KCNN1: variants seen among roughly 807,000 people sequenced by gnomAD.
KCNN1 encodes the protein small conductance calcium-activated potassium channel protein 1.
A neutral mutation model predicts 44.7 loss-of-function variants in KCNN1; 20 were observed. That is an observed-to-expected ratio of 0.45 (90% confidence interval 0.32 to 0.65). The LOEUF (loss-of-function observed/expected upper bound fraction) is 0.65, where lower values mean the gene tolerates loss of function less well. KCNN1 is among the 30% of genes least tolerant of loss of function. The pLI is 0.05. For missense variants in KCNN1, 632 were observed against 785.3 expected, an observed-to-expected ratio of 0.80 and a Z score of 2.33; for synonymous variants, 324 against 341.7, an observed-to-expected ratio of 0.95 and a Z score of 0.57.
intron 4 of KCNN1, among the ~76,000 whole-genome samples, chr19:17,984,287 T>C (rs932047107): frequency 2.6e-5 from 4 of 152,002 alleles, no homozygotes; most frequent in African/African-American, 9.7e-5. Flanking sequence ...AATGCCAATA[T>C]TTGGGGAGCC....
At position 17,985,550 on chromosome 19, in the gene KCNN1, C is replaced by G. The variant is rs1477770125; in HGVS notation, c.1059+97C>G. 3.4e-6 allele frequency: 4 copies of G among 1,163,602 alleles called. No homozygotes were observed. In the East Asian group the frequency reaches 1.1e-4, roughly 31 times the overall value. The allele number at this position is 1,163,602 out of a possible 1,614,324, so 72.1% of individuals were successfully genotyped here. On this transcript the variant is annotated intron_variant, in intron 5 of 9. Transcript: ENST00000684775. ...CCCCTTGCTGACAGGGTGCTCATCCCATCACGAGCTGTGCCTGATCAGCGT... is the reference window on the plus strand; with the variant it reads ...CCCCTTGCTGACAGGGTGCTCATCCGATCACGAGCTGTGCCTGATCAGCGT...
chr19:17,996,413 C>T (rs1368223106), intron 9 of KCNN1, among the ~76,000 whole-genome samples: 1 of 152,066 alleles, frequency 6.6e-6, no homozygotes, highest in African/African-American at 2.4e-5. Flanking sequence ...CAAGACCAGC[C>T]TGGCCAACAT....
At chr19:17,954,975 T>A (rs931406293) in intron 2 of KCNN1, among the ~76,000 whole-genome samples, 11 of 150,578 alleles carry the variant, frequency 7.3e-5, no homozygotes, top group Middle Eastern at 3.4e-3. Context: ...GAGGCAGAGG[T>A]TGCAGTGAGC....
At chr19:17,957,177 A>G (rs1223046699) in intron 2 of KCNN1, among the ~76,000 whole-genome samples, 6 of 105,880 alleles carry the variant, frequency 5.7e-5, no homozygotes. Flanking sequence ...AGGAGAGGGG[A>G]GGAGAGGAGA....
At chr19:17,958,528 C>T (rs1599995119) in intron 2 of KCNN1, among the ~76,000 whole-genome samples, 1 of 142,886 alleles carries the variant, frequency 7.0e-6, no homozygotes, top group African/African-American at 2.6e-5. Flanking sequence ...CTCTGTCATC[C>T]AGGCTACAGT....
chr19:17,961,100 T>TG (rs1285688093), intron 2 of KCNN1, among the ~76,000 whole-genome samples: 2 of 148,654 alleles, frequency 1.3e-5, no homozygotes, highest in South Asian at 4.2e-4. Flanking sequence ...GCAGGAGAAT[T>TG]GCGTGAACCC....
intron 4 of KCNN1, chr19:17,982,617 C>T: frequency 3.1e-6 from 3 of 982,938 alleles, no homozygotes; most frequent in African/African-American, 1.7e-5. Flanking sequence ...GCAGAGCAGC[C>T]ACTGCCACCG....
At chr19:17,980,064 CT>C (rs71164336) in intron 3 of KCNN1, among the ~76,000 whole-genome samples, 91 of 137,760 alleles carry the variant, frequency 6.6e-4, no homozygotes, top group Admixed American at 9.6e-4. Flanking sequence ...CTTTTTCTTT[CT>C]TTTTTTTTTT....
chr19:17,962,707 GTT>G (rs545467465), upstream of KCNN1, among the ~76,000 whole-genome samples: 1 of 145,588 alleles, frequency 6.9e-6, no homozygotes. Context: ...TCCAGATCTT[GTT>G]TTTTTTTTTT....
At chr19:17,988,623 G>C in intron 6 of KCNN1, 98 bp downstream of exon 6, 1 of 905,622 alleles carries the variant, frequency 1.1e-6, no homozygotes, top group Non-Finnish European at 1.7e-6. Context: ...ATGCTCATGT[G>C]CCCATGGGTT....
chr19:17,967,385 A>G (rs2031851142), intron 1 of KCNN1, 68 bp downstream of exon 1: 11 of 876,340 alleles, frequency 1.3e-5, no homozygotes, highest in Non-Finnish European at 1.4e-5. Context: ...CCGAGGAGGG[A>G]GGCACGTCTC....
rs1234350623 is a variant in KCNN1, at chr19:17,988,431, C to A, written c.1076C>A (p.Ala359Glu). ...LTGIMGAGCT[A>E]LVVAVVARKL... Reference sequence around the variant, plus strand: ...TGCACACAGGGAGCTGGCTGTACCGCGCTCGTGGTGGCTGTGGTGGCTCGG... The same window carrying A: ...TGCACACAGGGAGCTGGCTGTACCGAGCTCGTGGTGGCTGTGGTGGCTCGG... Residue 359 changes from alanine to glutamate, a missense_variant, in exon 6 of 10, where the codon GCG becomes GAG. This residue lies in a region of KCNN1 where 160 missense variants were observed against 308.3 expected (regional missense o/e 0.52). Transcript: ENST00000684775. The A allele has an allele frequency of 6.2e-7, 1 of 1,612,814 alleles. No individual in the cohort carries two copies.
In KCNN1 at chr19:17,990,327, C is replaced by CT. The variant is rs534459040; in HGVS notation, c.1298+485dup. 3.3e-3 allele frequency among the ~76,000 whole-genome samples: 502 copies of CT among 151,256 alleles called. 3 individuals carry two copies. Among genetic ancestry groups the CT allele is most frequent in the Non-Finnish European group, 4.0e-3 (270 of 67,856 alleles). On this transcript the variant is annotated intron_variant, in intron 7 of 9. Coordinates refer to ENST00000684775, the MANE Select transcript of KCNN1 (RefSeq NM_001386974.1). ...CAGGGAGACCCCATCTCTACAAAAACTAAGAACTTAACTGGGTGTGGTGGT... is the reference window on the plus strand; with the variant it reads ...CAGGGAGACCCCATCTCTACAAAAACTTAAGAACTTAACTGGGTGTGGTGGT...
chr19:17,955,436 C>A (rs1050198602), intron 2 of KCNN1, among the ~76,000 whole-genome samples: 2 of 150,620 alleles, frequency 1.3e-5, no homozygotes, highest in African/African-American at 4.9e-5. Flanking sequence ...TGCTGCATGC[C>A]TGTAATCCCA....
intron 2 of KCNN1, among the ~76,000 whole-genome samples, chr19:17,958,037 C>T (rs752375183): frequency 2.6e-5 from 4 of 152,026 alleles, no homozygotes; most frequent in Non-Finnish European, 4.4e-5. Flanking sequence ...ACTCATTGTG[C>T]TTGGGGAAAC....
upstream of KCNN1, among the ~76,000 whole-genome samples, chr19:17,963,272 C>T (rs1054916560): frequency 2.6e-5 from 4 of 151,098 alleles, no homozygotes; most frequent in Non-Finnish European, 5.9e-5. Flanking sequence ...CTCAGCCTCC[C>T]AAAGTGCTGA....
At chr19:17,968,212 T>C (rs1457653628) in intron 1 of KCNN1, among the ~76,000 whole-genome samples, 1 of 152,026 alleles carries the variant, frequency 6.6e-6, no homozygotes, top group Non-Finnish European at 1.5e-5. Flanking sequence ...AAGTTTCTGC[T>C]GTGTGCTGAT....
At chr19:17,986,468 T>G (rs1293221713) in intron 5 of KCNN1, among the ~76,000 whole-genome samples, 2 of 152,006 alleles carry the variant, frequency 1.3e-5, no homozygotes, top group Non-Finnish European at 2.9e-5. Flanking sequence ...TTCGTGACAG[T>G]GGGCGCAGGC....
In KCNN1 at chr19:17,974,066, C is replaced by T. The variant is rs780272831; in HGVS notation, c.178C>T (p.Arg60Trp). The T allele has an allele frequency of 1.3e-5, 21 of 1,611,218 alleles. No individual in the cohort carries two copies. The highest frequency in any genetic ancestry group is 1.7e-4 in the Middle Eastern group (1 of 6,042). ...AGCCCGGCCCTCACCCGGCAGCCCC[C>T]GGGGGCAGCCCCAGGACCAGGACGA... Reference protein sequence around the residue: ...EPARPSPGSPRGQPQDQDDDE... With the variant: ...EPARPSPGSPWGQPQDQDDDE... Residue 60 changes from arginine (R) to tryptophan (W), a missense_variant, in exon 2 of 10, where the codon CGG becomes TGG. By Grantham distance (101) the Arg-to-Trp change is moderately radical (BLOSUM62 -3). This residue lies in a region of KCNN1 where 235 missense variants were observed against 224.0 expected (regional missense o/e 1.05). Coordinates refer to ENST00000684775, the MANE Select transcript of KCNN1 (RefSeq NM_001386974.1). This position sits in a 1 kb window ranked among gnomAD's most constrained non-coding sequence, Gnocchi z 7.3.
Sources: gnomAD v4.1 joint callset for allele counts (sites outside exome capture counted in the v4.1 genomes callset) on GRCh38, gnomAD v4.1.1 for gene constraint, gnomAD v4.1.1 regional missense constraint, Gnocchi (gnomAD v3.1) non-coding constraint, MANE v1.5 for transcripts, NCBI Gene and HGNC (gene_info 2026-07-23, HGNC 2026-07-21) for gene names.